Variants in GRM4 observed in about 807,000 individuals in gnomAD.
The protein encoded by GRM4 is glutamate metabotropic receptor 4.
A neutral mutation model predicts 81.7 loss-of-function variants in GRM4; 28 were observed. The observed-to-expected ratio is 0.34, with a 90% CI of 0.25 to 0.47. GRM4 has a LOEUF of 0.47. GRM4 is among the 20% of genes least tolerant of loss of function. GRM4 has a pLI of 1.00. For missense variants in GRM4, 948 were observed against 1,290.0 expected, an observed-to-expected ratio of 0.73 and a Z score of 4.06; for synonymous variants, 488 against 528.8, an observed-to-expected ratio of 0.92 and a Z score of 1.06.
At chr6:34,103,764 GACCTTGGGCAAGTC>G in intron 2 of GRM4, 1 of 1,462,050 alleles carries the variant, frequency 6.8e-7, no homozygotes, top group Middle Eastern at 2.5e-4. Flanking sequence ...CTCGCTGTGT[GACCTTGGGCAAGTC>G]ACCTCCTTTG....
intron 2 of GRM4, chr6:34,103,733 C>T (rs1329953696): frequency 6.6e-7 from 1 of 1,506,654 alleles, no homozygotes; most frequent in Non-Finnish European, 8.8e-7. Context: ...CAAAGTCCAA[C>T]TCCCATAGGT....
chr6:34,131,688 C>A (rs1174455883), intron 2 of GRM4, among the ~76,000 whole-genome samples: 1 of 152,194 alleles, frequency 6.6e-6, no homozygotes, highest in Non-Finnish European at 1.5e-5. Flanking sequence ...GACATGCCCC[C>A]AAGTCCTGAT....
intron 2 of GRM4, among the ~76,000 whole-genome samples, chr6:34,125,175 G>A (rs185800211): frequency 6.8e-4 from 104 of 152,164 alleles, no homozygotes; most frequent in African/African-American, 2.3e-3. Context: ...GGGTTTCACC[G>A]TGTTCACCAG....
At chr6:34,102,438 C>T (rs2127494625) in intron 2 of GRM4, among the ~76,000 whole-genome samples, 1 of 152,330 alleles carries the variant, frequency 6.6e-6, no homozygotes, top group South Asian at 2.1e-4. Context: ...GCCTCAGGGC[C>T]TTTGCACTGG....
At chr6:34,030,719 T>C (rs1764369861) in intron 9 of GRM4, among the ~76,000 whole-genome samples, 1 of 152,220 alleles carries the variant, frequency 6.6e-6, no homozygotes, top group African/African-American at 2.4e-5. Context: ...GCCCTTCGTT[T>C]TCATTTTGTG....
chr6:34,100,119 T>A, intron 2 of GRM4: 1 of 854,834 alleles, frequency 1.2e-6, no homozygotes, highest in Non-Finnish European at 1.4e-6. Flanking sequence ...TGTCTGGCCC[T>A]GGCAGGCCGG....
chr6:34,027,417 C>A (rs909568712), intron 10 of GRM4, among the ~76,000 whole-genome samples: 1 of 152,154 alleles, frequency 6.6e-6, no homozygotes. Flanking sequence ...TGCCCTCCCC[C>A]ACCACAAAGC....
intron 3 of GRM4, among the ~76,000 whole-genome samples, chr6:34,066,836 G>C (rs982709551): frequency 2.6e-5 from 4 of 152,088 alleles, no homozygotes; most frequent in African/African-American, 9.7e-5. Context: ...TTAGATATGG[G>C]TGACAGCAAG....
At chr6:34,135,428 C>G (rs1357457091) in intron 1 of GRM4, among the ~76,000 whole-genome samples, 1 of 152,176 alleles carries the variant, frequency 6.6e-6, no homozygotes, top group Non-Finnish European at 1.5e-5. Flanking sequence ...AACCGGTAGC[C>G]CAGAGGTATC....
At position 34,022,701 on chromosome 6, in the gene GRM4, G is replaced by T; in HGVS notation, c.*120C>A. 2.3e-6 allele frequency: 2 copies of T among 865,048 alleles called. No homozygotes were observed. The highest frequency in any genetic ancestry group is 1.6e-5 in the African/African-American group (1 of 60,700). 53.6% of individuals were successfully genotyped at this position (865,048 alleles called of 1,614,324 possible). A position where few individuals can be genotyped will look rare whatever the true frequency, so the allele number is the denominator to read the frequency against. ...GGGGCTCTGCTATCCTCAGCACCAA[G>T]CCACGTCCGTGGGTGCCCACGGGCA... On this transcript the variant is annotated 3_prime_UTR_variant, in exon 11 of 11. Transcript: ENST00000538487. The surrounding 1 kb of genome is among the most constrained non-coding windows in gnomAD (Gnocchi z 5.6).
chr6:34,129,158 G>A lies in GRM4; in HGVS notation c.519+3820C>T, dbSNP rs896551492. 2.0e-5 allele frequency among the ~76,000 whole-genome samples: 3 copies of A among 152,222 alleles called. No homozygotes were observed. The East Asian group carries it at 5.8e-4, about 29-fold the overall frequency. ...GCCTGCCGAGTGGCTGGGATTACAG[G>A]CACATGCCACCACACCTGGCTAATT... On this transcript the variant is annotated intron_variant, in intron 2 of 10. Transcript: ENST00000538487.
chr6:34,061,884 T>C lies in GRM4; in HGVS notation c.872+9A>G. Reference sequence around the variant, plus strand: ...TCCCGGTGCCCACCCTGCTGCCACCTGCCCTCACCTGATGTCATCCTCGTT... The same window carrying C: ...TCCCGGTGCCCACCCTGCTGCCACCCGCCCTCACCTGATGTCATCCTCGTT... On this transcript the variant is annotated intron_variant, in intron 4 of 10. Transcript: ENST00000538487. 4 of 1,605,716 alleles carry C rather than the reference T, an allele frequency of 2.5e-6. No individual in the cohort carries two copies. The highest frequency in any genetic ancestry group is 3.4e-6 in the Non-Finnish European group (4 of 1,173,924).
Position 34,042,878 on chromosome 6 carries a change from C to G in GRM4, c.1169-2130G>C, listed in dbSNP as rs868392700. On this transcript the variant is annotated intron_variant, in intron 6 of 10. Coordinates refer to ENST00000538487, the MANE Select transcript of GRM4 (RefSeq NM_000841.4). This position sits in a 1 kb window ranked among gnomAD's most constrained non-coding sequence, Gnocchi z 4.2. ...ATCCTGGCCACACCAGTGGCCACAC[C>G]CACACAAGGATGTGGGGATGGGGGA... 1.3e-5 allele frequency among the ~76,000 whole-genome samples: 2 copies of G among 152,158 alleles called. No individual in the cohort carries two copies. Among genetic ancestry groups the G allele is most frequent in the Non-Finnish European group, 1.5e-5 (1 of 68,004 alleles).
rs374095175 is a variant in GRM4, at chr6:34,130,762, G to A, written c.519+2216C>T. ...TCCCTGTAAAGTAGGCACTCACTCCGCTCTGGAAAACAGGGGAAGGGATCC... is the reference window on the plus strand; with the variant it reads ...TCCCTGTAAAGTAGGCACTCACTCCACTCTGGAAAACAGGGGAAGGGATCC... On this transcript the variant is annotated intron_variant, in intron 2 of 10. Transcript: ENST00000538487. The surrounding 1 kb of genome is among the most constrained non-coding windows in gnomAD (Gnocchi z 4.1). 5.9e-5 allele frequency among the ~76,000 whole-genome samples: 9 copies of A among 152,214 alleles called. No individual in the cohort carries two copies. Among genetic ancestry groups the A allele is most frequent in the African/African-American group, 1.7e-4 (7 of 41,446 alleles).
chr6:34,102,212 C>A, intron 2 of GRM4: 1 of 1,472,638 alleles, frequency 6.8e-7, no homozygotes, highest in Non-Finnish European at 9.2e-7. Context: ...ATTCACACAC[C>A]AGCCTTCCTT....
In GRM4 at chr6:34,059,171, C is replaced by T. The variant is rs2306925; in HGVS notation, c.873-43G>A. The T allele has an allele frequency of 0.012, 19,595 of 1,593,722 alleles. 303 individuals are homozygous for T. Among genetic ancestry groups the T allele is most frequent in the African/African-American group, 0.057 (4,238 of 74,694 alleles). On this transcript the variant is annotated intron_variant, in intron 4 of 10. Transcript: ENST00000538487. The surrounding 1 kb of genome is among the most constrained non-coding windows in gnomAD (Gnocchi z 5.7). ...AGCCCAGCCCAGCCGCGTCTGTCCACGAAACTGCCCCCACTCCTGGCCACA... is the reference window on the plus strand; with the variant it reads ...AGCCCAGCCCAGCCGCGTCTGTCCATGAAACTGCCCCCACTCCTGGCCACA...
chr6:34,083,461 G>A (rs1321529157), intron 3 of GRM4, among the ~76,000 whole-genome samples: 1 of 152,156 alleles, frequency 6.6e-6, no homozygotes, highest in African/African-American at 2.4e-5. Context: ...GACCCAGCTG[G>A]CGCGTGGTGG....
intron 2 of GRM4, among the ~76,000 whole-genome samples, chr6:34,104,472 A>G (rs1415564654): frequency 1.3e-5 from 2 of 152,220 alleles, no homozygotes; most frequent in East Asian, 3.8e-4. Context: ...TGAAGTGAAC[A>G]CTACTTATTA....
rs1033085362 is a variant in GRM4, at chr6:34,069,077, G to A, written c.737-7049C>T. Among the ~76,000 whole-genome samples, 5 of 151,962 alleles carry A rather than the reference G, an allele frequency of 3.3e-5. No individual in the cohort carries two copies. The highest frequency in any genetic ancestry group is 1.3e-4 in the Admixed American group (2 of 15,254). ...GGTGGGGAGTTACACACAGGGACAG[G>A]GGCAGGAGAGCAGGTCCCCCCGGCT... On this transcript the variant is annotated intron_variant, in intron 3 of 10. Transcript: ENST00000538487. The surrounding 1 kb of genome is among the most constrained non-coding windows in gnomAD (Gnocchi z 6.4).
Sources: allele counts gnomAD v4.1 joint callset (sites outside exome capture counted in the v4.1 genomes callset), GRCh38; gene constraint gnomAD v4.1.1; non-coding constraint Gnocchi (gnomAD v3.1); transcripts MANE v1.5; gene names NCBI Gene and HGNC (gene_info 2026-07-23, HGNC 2026-07-21).